TRHDE: variants seen among roughly 807,000 people sequenced by gnomAD.
TRHDE encodes thyrotropin releasing hormone degrading enzyme, also known as thyrotropin-releasing hormone-degrading ectoenzyme.
A neutral mutation model predicts 125.7 loss-of-function variants in TRHDE; 72 were observed. That is an observed-to-expected ratio of 0.57 (90% CI 0.47 to 0.70). The LOEUF is 0.70. Among genes scored for constraint, TRHDE ranks in the 30% least tolerant of loss-of-function variants. The probability of loss-of-function intolerance (pLI) is 0.00; values close to 1 mark genes in which losing one functional copy is unlikely to be tolerated. For synonymous variants in TRHDE, 509 were observed against 509.1 expected (o/e 1.00, Z 0.00); for missense variants, 1,110 against 1,327.1 (o/e 0.84, Z 2.54).
At chr12:72,268,027 TA>T (rs1879106483), upstream of TRHDE, among the ~76,000 whole-genome samples, 1 of 152,154 alleles carries the variant, frequency 6.6e-6, no homozygotes, top group Admixed American at 6.5e-5. Flanking sequence ...AAAATATTAA[TA>T]AACTTTGCAG....
intron 2 of TRHDE, among the ~76,000 whole-genome samples, chr12:72,190,275 GT>G (rs1019514884): frequency 6.6e-6 from 1 of 152,098 alleles, no homozygotes; most frequent in Non-Finnish European, 1.5e-5. Context: ...CTCATGAAGC[GT>G]TTTCTATAAC....
At chr12:72,323,109 G>C (rs931554894) in intron 2 of TRHDE, among the ~76,000 whole-genome samples, 1 of 152,062 alleles carries the variant, frequency 6.6e-6, no homozygotes, top group Non-Finnish European at 1.5e-5. Context: ...GTGATCTTGG[G>C]AAAGGGGAAA....
chr12:72,535,641 C>CT (rs1868817280), intron 6 of TRHDE, among the ~76,000 whole-genome samples: 1 of 150,974 alleles, frequency 6.6e-6, no homozygotes, highest in African/African-American at 2.4e-5. Flanking sequence ...TTAGGTATTT[C>CT]TTTTTCTGTT....
intron 12 of TRHDE, among the ~76,000 whole-genome samples, chr12:72,593,880 G>A (rs1197650690): frequency 6.6e-6 from 1 of 152,184 alleles, no homozygotes; most frequent in African/African-American, 2.4e-5. Context: ...ATTCCATGGT[G>A]TATATGTGCC....
intron 15 of TRHDE, among the ~76,000 whole-genome samples, chr12:72,623,214 A>G (rs1021724059): frequency 2.0e-5 from 3 of 152,056 alleles, no homozygotes; most frequent in Non-Finnish European, 4.4e-5. Context: ...AAGATGAAAC[A>G]TATTATGGAG....
chr12:72,295,005 A>C (rs1880233736), intron 2 of TRHDE, among the ~76,000 whole-genome samples: 3 of 151,722 alleles, frequency 2.0e-5, no homozygotes, highest in Admixed American at 6.6e-5. Context: ...GGGAGCAGGC[A>C]TTTCTGAGCC....
chr12:72,214,471 T>C (rs1425507953), intron 2 of TRHDE, among the ~76,000 whole-genome samples: 3 of 152,306 alleles, frequency 2.0e-5, no homozygotes, highest in Non-Finnish European at 2.9e-5. Context: ...AATTATTGCT[T>C]TTTTCTGAGG....
chr12:72,576,169 AAAAC>A (rs1421362590), intron 12 of TRHDE, among the ~76,000 whole-genome samples: 1 of 152,190 alleles, frequency 6.6e-6, no homozygotes, highest in Non-Finnish European at 1.5e-5. Context: ...ACTAAAATGT[AAAAC>A]AAACTCAGTC....
Position 72,615,123 on chromosome 12 carries a change from T to C in TRHDE, c.2322-3768T>C, listed in dbSNP as rs548847985. Among the ~76,000 whole-genome samples, 38 of 152,230 alleles carry C rather than the reference T, an allele frequency of 2.5e-4. No homozygotes were observed. In the East Asian group the frequency reaches 7.3e-3, roughly 29 times the overall value. The stretch of plus-strand genomic sequence containing the variant: ...ACATTCCTCATTTGCCTCTTTCTCA[T>C]TGTTTTTTCTTTGATTCCCAAATCA... On this transcript the variant is annotated intron_variant, in intron 12 of 18. Coordinates refer to ENST00000261180, the MANE Select transcript of TRHDE (RefSeq NM_013381.3).
chr12:72,311,774 C>T (rs538550588), intron 2 of TRHDE, among the ~76,000 whole-genome samples: 1 of 152,128 alleles, frequency 6.6e-6, no homozygotes, highest in East Asian at 1.9e-4. Context: ...AAAAAACAGG[C>T]AAAATGGGCA....
At chr12:72,142,135 C>T (rs1474391116) in intron 2 of TRHDE, among the ~76,000 whole-genome samples, 2 of 151,890 alleles carry the variant, frequency 1.3e-5, no homozygotes, top group East Asian at 3.9e-4. Context: ...CACACCGTGC[C>T]TGCTCAATTC....
rs543599120 is a variant in TRHDE, at chr12:72,154,484, T to C, written n.279+48732T>C. ...CTCGTTAGTTGATGCAGTTTCTTCC[T>C]AGCCTCGATGGTCTTTACAATTTGG... On this transcript the variant is annotated intron_variant and non_coding_transcript_variant, in intron 2 of 4. Transcript: ENST00000548156. Among the ~76,000 whole-genome samples, 101 of 152,370 alleles carry C rather than the reference T, an allele frequency of 6.6e-4. 1 individual carries two copies. The highest frequency in any genetic ancestry group is 3.4e-3 in the Middle Eastern group (1 of 294).
chr12:72,627,653 A>G (rs572686641), intron 15 of TRHDE, among the ~76,000 whole-genome samples: 2 of 152,032 alleles, frequency 1.3e-5, no homozygotes, highest in African/African-American at 4.8e-5. Context: ...CAGTCTACAT[A>G]TGGGTAATGG....
Position 72,568,615 on chromosome 12 carries a change from A to G in TRHDE, c.2090A>G (p.His697Arg), listed in dbSNP as rs1020619323. The G allele has an allele frequency of 1.2e-6, 2 of 1,612,092 alleles. No individual in the cohort carries two copies. Among genetic ancestry groups the G allele is most frequent in the South Asian group, 2.2e-5 (2 of 90,884 alleles). The stretch of plus-strand genomic sequence containing the variant: ...ACTATTGTGGTAGGAAATAGAAGCC[A>G]TGTGTCTTCAGAAGCAATTATTTGG... Reference protein sequence around the residue: ...PLTIVVGNRSHVSSEAIIWVS... With the variant: ...PLTIVVGNRSRVSSEAIIWVS... The change falls in exon 10 of 19, where the codon CAT (histidine) becomes CGT (arginine). Residue 697 changes from histidine (H) to arginine (R), a missense_variant. By Grantham distance (29) the His-to-Arg change is conservative. Transcript: ENST00000261180.
intron 2 of TRHDE, among the ~76,000 whole-genome samples, chr12:72,197,313 T>C (rs747111048): frequency 9.9e-5 from 15 of 152,136 alleles, no homozygotes; most frequent in Non-Finnish European, 1.9e-4. Flanking sequence ...ACAATGGTAC[T>C]TTCTTTCTTG....
rs1592489640 is a variant in TRHDE at position 72,222,716 on chromosome 12, A to G, written n.279+116964A>G. On this transcript the variant is annotated intron_variant and non_coding_transcript_variant, in intron 2 of 4. Transcript: ENST00000548156. ...GTAAGCAATCCTTTTCCATGGTTAAATCCCTTTCAGGATTGTTCCAGACCC... is the reference window on the plus strand; with the variant it reads ...GTAAGCAATCCTTTTCCATGGTTAAGTCCCTTTCAGGATTGTTCCAGACCC... Among the ~76,000 whole-genome samples the G allele has an allele frequency of 2.0e-5, 3 of 152,210 alleles. No individual in the cohort carries two copies. The Middle Eastern group carries it at 0.01, about 518-fold the overall frequency.
intron 2 of TRHDE, among the ~76,000 whole-genome samples, chr12:72,302,240 GTGTGTA>G (rs1217309456): frequency 5.7e-5 from 3 of 53,004 alleles, no homozygotes; most frequent in East Asian, 6.6e-4. Context: ...ATCTATGTGT[GTGTGTA>G]TGTGTGTGTG....
intron 1 of TRHDE, among the ~76,000 whole-genome samples, chr12:72,099,655 T>A (rs976435484): frequency 6.6e-6 from 1 of 152,212 alleles, no homozygotes; most frequent in African/African-American, 2.4e-5. Context: ...ATATAATGGT[T>A]TCATGTAGAT....
At chr12:72,278,031 C>A (rs1033360696) in intron 1 of TRHDE, among the ~76,000 whole-genome samples, 1 of 152,072 alleles carries the variant, frequency 6.6e-6, no homozygotes, top group African/African-American at 2.4e-5. Context: ...CAATAAGTCC[C>A]TTGAACTTAT....
Sources: allele counts gnomAD v4.1 joint callset (sites outside exome capture counted in the v4.1 genomes callset), GRCh38; gene constraint gnomAD v4.1.1; transcripts MANE v1.5; gene names NCBI Gene and HGNC (gene_info 2026-07-23, HGNC 2026-07-21).